The following STRN4 variants were observed in gnomAD, a reference collection of about 807,000 sequenced individuals.
STRN4 encodes striatin 4.
A neutral mutation model predicts 77.9 loss-of-function variants in STRN4; 27 were observed. That is an observed-to-expected ratio of 0.35 (90% CI 0.26 to 0.48). The LOEUF (loss-of-function observed/expected upper bound fraction) is 0.48. Among genes scored for constraint, STRN4 ranks in the 20% least tolerant of loss-of-function variants. STRN4 has a pLI of 0.99. For missense variants in STRN4, 798 were observed against 1,049.7 expected (o/e 0.76, Z 3.31); for synonymous variants, 466 against 443.1 (o/e 1.05, Z -0.65).
intron 6 of STRN4, among the ~76,000 whole-genome samples, chr19:46,729,513 T>C (rs2054201630): frequency 6.6e-6 from 1 of 152,026 alleles, no homozygotes; most frequent in Admixed American, 6.6e-5. Context: ...GGAAGGGGCA[T>C]GGAGAAGACC....
At chr19:46,721,750 A>C (rs2053982125) in intron 16 of STRN4, 1 of 509,568 alleles carries the variant, frequency 2.0e-6, no homozygotes, top group African/African-American at 1.9e-5. Context: ...ACTGGGGATC[A>C]AAGTACCAAC....
At chr19:46,724,275 A>AAAAAAAAAAAG (rs1414623139) in intron 12 of STRN4, among the ~76,000 whole-genome samples, 1 of 144,308 alleles carries the variant, frequency 6.9e-6, no homozygotes, top group Non-Finnish European at 1.5e-5. Context: ...AAAAAAAAAA[A>AAAAAAAAAAAG]GGCAGAGAAC....
intron 4 of STRN4, among the ~76,000 whole-genome samples, chr19:46,734,733 C>G (rs982078801): frequency 7.9e-5 from 12 of 152,164 alleles, no homozygotes; most frequent in Non-Finnish European, 1.8e-4. Context: ...GGCACGATCT[C>G]GGCTCACTGC....
intron 5 of STRN4, chr19:46,731,417 C>T (rs141860601): frequency 3.2e-5 from 5 of 155,040 alleles, no homozygotes; most frequent in East Asian, 1.9e-4. Flanking sequence ...CTCCTCCTTC[C>T]ACCTCCTGGC....
In STRN4 at chr19:46,724,795, C is replaced by T. The variant is rs540258282; in HGVS notation, c.1594+12G>A. 9.5e-5 allele frequency: 154 copies of T among 1,613,842 alleles called. 1 individual carries two copies. The South Asian group carries it at 1.5e-3, about 15-fold the overall frequency. ...GTGGATGTGAGGGGAAGGCGGGAGG[C>T]GTTGTCCTCACCGTAGCCATCATAG... On this transcript the variant is annotated intron_variant, in intron 12 of 17. Coordinates refer to ENST00000263280, the MANE Select transcript of STRN4 (RefSeq NM_013403.3).
intron 1 of STRN4, among the ~76,000 whole-genome samples, chr19:46,742,540 CAG>C (rs1258616795): frequency 6.6e-6 from 1 of 152,066 alleles, no homozygotes; most frequent in East Asian, 1.9e-4. Context: ...GTCAATGTGG[CAG>C]AGTCATTCAC....
rs1049709649 is a variant in STRN4, at chr19:46,733,475, G to A, written c.540-239C>T. 2.7e-5 allele frequency: 14 copies of A among 518,384 alleles called. No individual in the cohort carries two copies. Among genetic ancestry groups the A allele is most frequent in the Admixed American group, 1.4e-4 (4 of 28,684 alleles). The allele number at this position is 518,384 out of a possible 1,614,324, so 32.1% of individuals were successfully genotyped here. On this transcript the variant is annotated intron_variant, in intron 4 of 17. Coordinates refer to ENST00000263280, the MANE Select transcript of STRN4 (RefSeq NM_013403.3). The surrounding 1 kb of genome is among the most constrained non-coding windows in gnomAD (Gnocchi z 4.3). ...CCCTGCACTGCTGTATGGGGAAGCC[G>A]AAGCACAGGGACCAGCCTCAGCACC...
intron 1 of STRN4, among the ~76,000 whole-genome samples, chr19:46,739,735 G>A (rs4802322): frequency 0.27 from 40,354 of 152,074 alleles, 5,695 homozygotes; most frequent in African/African-American, 0.36. Context: ...ACACTTACTC[G>A]CTACATGATC....
At chr19:46,727,376 CCAGT>C (rs2054141787) in intron 9 of STRN4, 72 bp downstream of exon 9, 1 of 1,295,060 alleles carries the variant, frequency 7.7e-7, no homozygotes, top group South Asian at 1.3e-5. Flanking sequence ...CGGGCGGCAC[CCAGT>C]CAGAGCTTGC....
chr19:46,739,724 G>A (rs936287232), intron 1 of STRN4, among the ~76,000 whole-genome samples: 2 of 152,186 alleles, frequency 1.3e-5, no homozygotes, highest in African/African-American at 4.8e-5. Context: ...GCCCAACTTA[G>A]ACACTTACTC....
rs1599897916 is a variant in STRN4, at chr19:46,741,979, C to T, written c.283-3091G>A. 1.3e-5 allele frequency among the ~76,000 whole-genome samples: 2 copies of T among 152,204 alleles called. No homozygotes were observed. Among genetic ancestry groups the T allele is most frequent in the South Asian group, 2.1e-4 (1 of 4,830 alleles). The stretch of plus-strand genomic sequence containing the variant: ...CACCGCACTCACTGCAGGTCCCTGT[C>T]GCTGCTCCTATACAAATCTCCAGTT... On this transcript the variant is annotated intron_variant, in intron 1 of 17. Transcript: ENST00000263280. The surrounding 1 kb of genome is among the most constrained non-coding windows in gnomAD (Gnocchi z 4.9).
chr19:46,740,826 C>T (rs1156382765), intron 1 of STRN4, among the ~76,000 whole-genome samples: 1 of 152,074 alleles, frequency 6.6e-6, no homozygotes, highest in Non-Finnish European at 1.5e-5. Flanking sequence ...ACTAGGACCC[C>T]ATTGCGGGAG....
In STRN4 at chr19:46,727,197, C is replaced by T. The variant is rs552652066; in HGVS notation, c.1248+255G>A. Among the ~76,000 whole-genome samples, 18 of 152,340 alleles carry T rather than the reference C, an allele frequency of 1.2e-4. No homozygotes were observed. In the South Asian group the frequency reaches 2.3e-3, roughly 19 times the overall value. ...AGAGCAGGGGGTGGCTACAGGTCAT[C>T]TTCCTGCATTCCAAATCACCAGGGT... On this transcript the variant is annotated intron_variant, in intron 9 of 17. Transcript: ENST00000263280.
At chr19:46,746,055 G>GCCCTTGCT in intron 1 of STRN4, 94 bp downstream of exon 1, 1 of 1,257,888 alleles carries the variant, frequency 7.9e-7, no homozygotes, top group Non-Finnish European at 1.0e-6. Context: ...CGTCCCGGCG[G>GCCCTTGCT]CCATTGCTCC....
chr19:46,730,038 C>T (rs2054212250), intron 6 of STRN4, among the ~76,000 whole-genome samples: 1 of 152,178 alleles, frequency 6.6e-6, no homozygotes, highest in African/African-American at 2.4e-5. Flanking sequence ...GTGCAAACAC[C>T]ACGGATGATT....
intron 8 of STRN4, 151 bp downstream of exon 8, chr19:46,727,743 G>T: frequency 1.3e-6 from 1 of 772,208 alleles, no homozygotes; most frequent in Non-Finnish European, 2.1e-6. Context: ...AAGAGAGGGA[G>T]ACAGACAGAC....
At chr19:46,736,552 C>CAAAAAAAA (rs777686904) in intron 4 of STRN4, 1 of 48,592 alleles carries the variant, frequency 2.1e-5, no homozygotes, top group Admixed American at 3.2e-4. Flanking sequence ...GCCACTGAGA[C>CAAAAAAAA]AAAAAAAAAA....
chr19:46,730,218 G>A (rs2054216869), intron 6 of STRN4, among the ~76,000 whole-genome samples: 1 of 152,196 alleles, frequency 6.6e-6, no homozygotes, highest in Admixed American at 6.5e-5. Flanking sequence ...TCTACTTGGG[G>A]TGCGACTCTG....
At chr19:46,722,707 G>A in intron 14 of STRN4, 103 bp downstream of exon 14, 1 of 1,494,724 alleles carries the variant, frequency 6.7e-7, no homozygotes, top group Non-Finnish European at 9.1e-7. Context: ...GGGTGCAGGG[G>A]AGTCATCTGA....
Sources: gnomAD v4.1 joint callset for allele counts (sites outside exome capture counted in the v4.1 genomes callset) on GRCh38, gnomAD v4.1.1 for gene constraint, Gnocchi (gnomAD v3.1) non-coding constraint, MANE v1.5 for transcripts, NCBI Gene and HGNC (gene_info 2026-07-23, HGNC 2026-07-21) for gene names.